The following ASXL2 variants were observed in gnomAD, a reference collection of about 807,000 sequenced individuals.
ASXL2 encodes ASXL transcriptional regulator 2.
A neutral mutation model predicts 122.0 loss-of-function variants in ASXL2; 23 were observed. That is an observed-to-expected ratio of 0.19 (90% CI 0.14 to 0.27). The LOEUF is 0.27. Ranked by LOEUF, ASXL2 falls within the 10% of genes least tolerant of loss-of-function variation. The probability of loss-of-function intolerance (pLI) is 1.00; values close to 1 mark genes in which losing one functional copy is unlikely to be tolerated. For missense variants in ASXL2, 1,518 were observed against 1,713.8 expected, an observed-to-expected ratio of 0.89 and a Z score of 2.02; for synonymous variants, 650 against 637.0, an observed-to-expected ratio of 1.02 and a Z score of -0.31.
chr2:25,782,347 C>T (rs927241790), intron 5 of ASXL2, among the ~76,000 whole-genome samples: 2 of 151,746 alleles, frequency 1.3e-5, no homozygotes, highest in African/African-American at 4.8e-5. Context: ...GAGTTTCAGA[C>T]CAGCCAGGCC....
intron 4 of ASXL2, among the ~76,000 whole-genome samples, chr2:25,802,993 G>T (rs1314140997): frequency 1.3e-5 from 2 of 152,154 alleles, no homozygotes; most frequent in African/African-American, 4.8e-5. Flanking sequence ...TTAGTTAGGC[G>T]AGGTGGCAAG....
intron 5 of ASXL2, among the ~76,000 whole-genome samples, chr2:25,788,442 T>A (rs941191266): frequency 6.6e-6 from 1 of 152,200 alleles, no homozygotes; most frequent in Non-Finnish European, 1.5e-5. Context: ...TTAAAAAAAT[T>A]TCTTTTTGTA....
intron 3 of ASXL2, chr2:25,822,648 C>A: frequency 1.6e-6 from 1 of 622,210 alleles, no homozygotes; most frequent in Non-Finnish European, 3.0e-6. Flanking sequence ...AGTATTGATC[C>A]TAATGATTCC....
chr2:25,866,853 G>A (rs577662535), intron 1 of ASXL2, among the ~76,000 whole-genome samples: 3 of 149,086 alleles, frequency 2.0e-5, no homozygotes, highest in African/African-American at 7.5e-5. Flanking sequence ...CTGCCTCAGC[G>A]TCCTGAGTAG....
At chr2:25,862,540 T>C (rs900499616) in intron 1 of ASXL2, among the ~76,000 whole-genome samples, 6 of 152,214 alleles carry the variant, frequency 3.9e-5, no homozygotes, top group African/African-American at 1.4e-4. Flanking sequence ...ATTTATTAAA[T>C]GCCTATTGTG....
At chr2:25,860,368 A>G (rs1470979273) in intron 1 of ASXL2, among the ~76,000 whole-genome samples, 3 of 152,050 alleles carry the variant, frequency 2.0e-5, no homozygotes, top group Non-Finnish European at 4.4e-5. Flanking sequence ...AGCTTGTGGG[A>G]TATAGCAAAA....
chr2:25,845,176 T>C (rs2089634895), intron 2 of ASXL2: 1 of 324,602 alleles, frequency 3.1e-6, no homozygotes, highest in South Asian at 2.8e-5. Context: ...ACCAAGTTTA[T>C]TAAATCAAAA....
chr2:25,747,723 AT>A (rs201879742), intron 12 of ASXL2, among the ~76,000 whole-genome samples: 6,445 of 152,244 alleles, frequency 0.042, 210 homozygotes, highest in African/African-American at 0.08. Context: ...TGTGAATGAC[AT>A]TGAAGAAAAG....
rs2089179726 is a variant in ASXL2, at chr2:25,812,253, A to G, written c.144-5916T>C. Among the ~76,000 whole-genome samples the G allele has an allele frequency of 2.0e-5, 3 of 151,950 alleles. No homozygotes were observed. The South Asian group carries it at 6.2e-4, about 32-fold the overall frequency. ...CAGGTGGATTACCTGAAGGTCAGGA[A>G]TTAAAGACCAGCCTGGCCAACATGG... is the stretch of plus-strand genomic sequence containing the variant. On this transcript the variant is annotated intron_variant, in intron 3 of 12. Coordinates refer to ENST00000435504, the MANE Select transcript of ASXL2 (RefSeq NM_018263.6).
intron 12 of ASXL2, 68 bp downstream of exon 12, chr2:25,749,628 T>C: frequency 7.9e-7 from 1 of 1,260,708 alleles, no homozygotes; most frequent in Non-Finnish European, 1.1e-6. Context: ...ACTTGAAATT[T>C]AGTAGGTATG....
At chr2:25,745,717 C>T (rs1374003301) in intron 12 of ASXL2, among the ~76,000 whole-genome samples, 1 of 143,072 alleles carries the variant, frequency 7.0e-6, no homozygotes, top group East Asian at 2.1e-4. Context: ...AATCTCAGCT[C>T]ACTGTAACCT....
intron 3 of ASXL2, among the ~76,000 whole-genome samples, chr2:25,824,162 G>A (rs531458636): frequency 6.7e-6 from 1 of 149,774 alleles, no homozygotes; most frequent in Non-Finnish European, 1.5e-5. Flanking sequence ...TGTACTGAAA[G>A]GATACATTTA....
At chr2:25,798,562 G>A (rs1394833995) in intron 5 of ASXL2, among the ~76,000 whole-genome samples, 1 of 152,104 alleles carries the variant, frequency 6.6e-6, no homozygotes, top group Non-Finnish European at 1.5e-5. Flanking sequence ...TCAGGGGTTC[G>A]AGACCAGCCT....
At chr2:25,843,925 G>T (rs993103023) in intron 2 of ASXL2, among the ~76,000 whole-genome samples, 8 of 151,960 alleles carry the variant, frequency 5.3e-5, no homozygotes, top group African/African-American at 1.9e-4. Context: ...CAAATATTTG[G>T]GCATAGCTTA....
chr2:25,868,657 A>G (rs2089929721), intron 1 of ASXL2, among the ~76,000 whole-genome samples: 1 of 152,242 alleles, frequency 6.6e-6, no homozygotes, highest in Non-Finnish European at 1.5e-5. Context: ...TTTCACAAAG[A>G]AAGAGATACT....
chr2:25,777,236 T>C (rs919994616), intron 5 of ASXL2, among the ~76,000 whole-genome samples: 1 of 152,232 alleles, frequency 6.6e-6, no homozygotes, highest in Non-Finnish European at 1.5e-5. Flanking sequence ...CACAGGTATG[T>C]GTTATCACAT....
At chr2:25,826,474 A>C (rs180814321) in intron 3 of ASXL2, among the ~76,000 whole-genome samples, 104 of 152,258 alleles carry the variant, frequency 6.8e-4, no homozygotes, top group Non-Finnish European at 1.2e-3. Flanking sequence ...TCCCCATTTC[A>C]AACCTTTGAT....
In ASXL2 at chr2:25,743,132, T is replaced by C. The variant is rs2087865329; in HGVS notation, c.3205A>G (p.Thr1069Ala). The C allele has an allele frequency of 6.2e-7, 1 of 1,613,690 alleles. No individual in the cohort carries two copies. Among genetic ancestry groups the C allele is most frequent in the Admixed American group, 1.7e-5 (1 of 59,976 alleles). ...SKATQDQILQTLIQRVRRQNL... is the reference protein window; with the variant it reads ...SKATQDQILQALIQRVRRQNL... ...TGCCTCCGAACCCTCTGAATGAGAG[T>C]CTGAAGGATCTGATCTTGGGTTGCT... Residue 1069 changes from threonine (T) to alanine (A), a missense_variant, in exon 13 of 13, where the codon ACT (threonine) becomes GCT (alanine). Physicochemically the swap from Thr to Ala is moderately conservative, Grantham distance 58. This residue lies in a region of ASXL2 where 831 missense variants were observed against 833.1 expected (regional missense o/e 1.00). Coordinates refer to ENST00000435504, the MANE Select transcript of ASXL2 (RefSeq NM_018263.6).
chr2:25,771,328 A>G (rs750353206), intron 6 of ASXL2, 112 bp downstream of exon 6: 1 of 864,674 alleles, frequency 1.2e-6, no homozygotes, highest in Non-Finnish European at 1.7e-6. Flanking sequence ...TGAAAGTTCC[A>G]CTGGCAAGGG....
Sources: gnomAD v4.1 joint callset for allele counts (sites outside exome capture counted in the v4.1 genomes callset) on GRCh38, gnomAD v4.1.1 for gene constraint, gnomAD v4.1.1 regional missense constraint, MANE v1.5 for transcripts, NCBI Gene and HGNC (gene_info 2026-07-23, HGNC 2026-07-21) for gene names.